SEMA3A: variants seen among roughly 807,000 people sequenced by gnomAD.
SEMA3A encodes the protein semaphorin 3A.
Under a neutral mutation model 97.9 loss-of-function variants are expected in SEMA3A, and 29 were observed. The ratio of observed to expected loss-of-function variants is 0.30; its 90% CI spans 0.22 to 0.40. The LOEUF (loss-of-function observed/expected upper bound fraction) is 0.40. Among genes scored for constraint, SEMA3A ranks in the 10% least tolerant of loss-of-function variants. The pLI is 1.00. For missense variants in SEMA3A, 763 were observed against 951.3 expected, an observed-to-expected ratio of 0.80 and a Z score of 2.60; for synonymous variants, 321 against 323.7, an observed-to-expected ratio of 0.99 and a Z score of 0.09.
intron 4 of SEMA3A, among the ~76,000 whole-genome samples, chr7:84,094,246 A>C (rs1000033853): frequency 1.3e-5 from 2 of 152,072 alleles, no homozygotes; most frequent in South Asian, 4.1e-4. Flanking sequence ...TTCATTACAT[A>C]CAGGCACCAT....
Position 84,285,986 on chromosome 7 carries a change from A to G in SEMA3A, c.-83+21221T>C, listed in dbSNP as rs569027088. 8.0e-4 allele frequency among the ~76,000 whole-genome samples: 120 copies of G among 150,670 alleles called. No individual in the cohort carries two copies. In the South Asian group the frequency reaches 0.013, roughly 16 times the overall value. ...ACCCCATCTCAAAAAAAAAAAAAAAAAAGAAGAAGAAGAAAGAAATAAGAG... is the reference window on the plus strand; with the variant it reads ...ACCCCATCTCAAAAAAAAAAAAAAAGAAGAAGAAGAAGAAAGAAATAAGAG... On this transcript the variant is annotated intron_variant, in intron 3 of 3. Coordinates refer to the SEMA3A transcript ENST00000424555.
At chr7:84,461,964 A>G (rs891455713) in intron 1 of SEMA3A, among the ~76,000 whole-genome samples, 1 of 152,132 alleles carries the variant, frequency 6.6e-6, no homozygotes, top group African/African-American at 2.4e-5. Context: ...GCCTAGCCAT[A>G]TTGTTAAAAT....
Position 83,991,518 on chromosome 7 carries a change from T to C in SEMA3A, c.1453-6041A>G, listed in dbSNP as rs559411468. ...CATCAATACCTAATTTATTGAGAGTTTTTAGCATGAAGGGTTGTTGAATTT... is the reference window on the plus strand; with the variant it reads ...CATCAATACCTAATTTATTGAGAGTCTTTAGCATGAAGGGTTGTTGAATTT... On this transcript the variant is annotated intron_variant, in intron 12 of 16. Transcript: ENST00000265362. Among the ~76,000 whole-genome samples, 34 of 151,662 alleles carry C rather than the reference T, an allele frequency of 2.2e-4. No individual in the cohort carries two copies. In the South Asian group the frequency reaches 2.3e-3, roughly 10 times the overall value.
At chr7:84,075,176 CTTT>C (rs201373532) in intron 4 of SEMA3A, among the ~76,000 whole-genome samples, 6 of 139,702 alleles carry the variant, frequency 4.3e-5, no homozygotes, top group Non-Finnish European at 3.1e-5. Context: ...TTGACTTCAA[CTTT>C]TTTTTTTTTT....
intron 13 of SEMA3A, among the ~76,000 whole-genome samples, chr7:83,982,823 A>C (rs1789471743): frequency 6.6e-6 from 1 of 152,082 alleles, no homozygotes; most frequent in African/African-American, 2.4e-5. Flanking sequence ...TGCAGACTGA[A>C]GTACCTATGA....
chr7:84,129,445 AAGC>A (rs938736352), intron 2 of SEMA3A, among the ~76,000 whole-genome samples: 1 of 152,204 alleles, frequency 6.6e-6, no homozygotes, highest in Admixed American at 6.5e-5. Flanking sequence ...CAATAGATCT[AAGC>A]AGTGTAGTAT....
At chr7:84,333,518 C>T (rs567512598) in intron 2 of SEMA3A, among the ~76,000 whole-genome samples, 13 of 152,102 alleles carry the variant, frequency 8.5e-5, no homozygotes, top group African/African-American at 2.4e-4. Context: ...TAGAATGATA[C>T]GAAGGAGTAC....
intron 2 of SEMA3A, among the ~76,000 whole-genome samples, chr7:84,324,447 C>G (rs186630993): frequency 4.0e-4 from 61 of 152,250 alleles, no homozygotes; most frequent in Non-Finnish European, 7.9e-4. Flanking sequence ...AATTCCATCT[C>G]ATAGTTATCT....
intron 3 of SEMA3A, among the ~76,000 whole-genome samples, chr7:84,263,699 C>T (rs1405361400): frequency 6.6e-6 from 1 of 152,136 alleles, no homozygotes. Flanking sequence ...AAATGATGTT[C>T]CATGCTCGTT....
intron 1 of SEMA3A, among the ~76,000 whole-genome samples, chr7:84,461,836 A>C (rs1457249524): frequency 6.6e-6 from 1 of 152,126 alleles, no homozygotes; most frequent in African/African-American, 2.4e-5. Flanking sequence ...TCTTCTCTGA[A>C]TCTTATTTCT....
At chr7:84,477,440 A>G (rs1806321706) in intron 1 of SEMA3A, among the ~76,000 whole-genome samples, 1 of 91,700 alleles carries the variant, frequency 1.1e-5, no homozygotes, top group Non-Finnish European at 1.9e-5. Flanking sequence ...CTCTGTCTCA[A>G]AAAAAAAAAA....
At chr7:84,218,915 A>G (rs1054845595) in intron 3 of SEMA3A, among the ~76,000 whole-genome samples, 1 of 152,156 alleles carries the variant, frequency 6.6e-6, no homozygotes, top group Admixed American at 6.6e-5. Context: ...TCCCAACAGG[A>G]AATTGACGAC....
chr7:84,046,251 T>C, intron 6 of SEMA3A, 73 bp downstream of exon 6: 3 of 1,546,354 alleles, frequency 1.9e-6, no homozygotes, highest in South Asian at 1.2e-5. Context: ...TTGCATGTAC[T>C]GTAAAAGAGT....
chr7:84,087,263 G>A (rs999951310), intron 4 of SEMA3A, among the ~76,000 whole-genome samples: 6 of 152,078 alleles, frequency 3.9e-5, no homozygotes, highest in Admixed American at 3.3e-4. Flanking sequence ...GTGATTTTGT[G>A]TTATTTAACA....
intron 3 of SEMA3A, among the ~76,000 whole-genome samples, chr7:84,124,150 T>A (rs1341066136): frequency 1.3e-5 from 2 of 152,174 alleles, no homozygotes; most frequent in Non-Finnish European, 2.9e-5. Context: ...TAACTAGGCA[T>A]AAGAATGGCC....
chr7:84,318,396 C>G (rs2115897868), intron 2 of SEMA3A, among the ~76,000 whole-genome samples: 1 of 140,760 alleles, frequency 7.1e-6, no homozygotes, highest in South Asian at 2.3e-4. Flanking sequence ...GATCTCGGCT[C>G]ACTGCAAGCT....
chr7:84,347,505 G>C (rs1283268545), intron 2 of SEMA3A, among the ~76,000 whole-genome samples: 1 of 149,724 alleles, frequency 6.7e-6, no homozygotes, highest in Non-Finnish European at 1.5e-5. Context: ...TCTGCCTCCC[G>C]GGTTCAAGTA....
intron 15 of SEMA3A, among the ~76,000 whole-genome samples, chr7:83,969,120 C>T (rs1045680926): frequency 6.6e-5 from 10 of 152,066 alleles, no homozygotes; most frequent in African/African-American, 2.4e-4. Context: ...TTTTATAACC[C>T]TTTCTATTGT....
chr7:84,385,239 G>T (rs1803368567), intron 1 of SEMA3A, among the ~76,000 whole-genome samples: 1 of 152,134 alleles, frequency 6.6e-6, no homozygotes, highest in Admixed American at 6.5e-5. Flanking sequence ...AGCTGATGAG[G>T]AGTGCTCCTC....
Sources: gnomAD v4.1 joint callset for allele counts (sites outside exome capture counted in the v4.1 genomes callset) on GRCh38, gnomAD v4.1.1 for gene constraint, MANE v1.5 for transcripts, NCBI Gene and HGNC (gene_info 2026-07-23, HGNC 2026-07-21) for gene names.